NDE1: variants seen among roughly 807,000 people sequenced by gnomAD.
NDE1 encodes the protein nuclear distribution protein nudE homolog 1.
In NDE1, 28 loss-of-function variants were observed where a neutral mutation model predicts 43.4. That is an observed-to-expected ratio of 0.65 (90% confidence interval 0.48 to 0.89). The LOEUF (loss-of-function observed/expected upper bound fraction) is 0.89, where lower values mean the gene tolerates loss of function less well. NDE1 is among the 40% of genes least tolerant of loss of function. NDE1 has a pLI of 0.00. For missense variants in NDE1, 441 were observed against 434.1 expected (o/e 1.02, Z -0.14); for synonymous variants, 184 against 172.0 (o/e 1.07, Z -0.55).
intron 5 of NDE1, 35 bp downstream of exon 5, chr16:15,687,546 C>A (rs745867751): frequency 6.4e-7 from 1 of 1,568,866 alleles, no homozygotes; most frequent in South Asian, 1.1e-5. Flanking sequence ...CAGCATGGTC[C>A]CCTCTCCCTA....
Position 15,708,831 on chromosome 16 carries a change from G to A in NDE1, c.947+11971G>A, listed in dbSNP as rs200884440. ...GTGCATCACTGCGAAGTTTCCTGTG[G>A]GGGGGGCCCTCTGAAACAGAGAGAG... is the stretch of plus-strand genomic sequence containing the variant. On this transcript the variant is annotated intron_variant, in intron 8 of 8. Transcript: ENST00000396354. 20 of 1,610,020 alleles carry A rather than the reference G, an allele frequency of 1.2e-5. No homozygotes were observed. The Admixed American group carries it at 3.2e-4, about 26-fold the overall frequency.
intron 1 of NDE1, among the ~76,000 whole-genome samples, chr16:15,656,793 G>T (rs1012913525): frequency 6.6e-6 from 1 of 152,048 alleles, no homozygotes; most frequent in African/African-American, 2.4e-5. Context: ...TACCCGCTGT[G>T]GCCTCCCAAA....
At chr16:15,693,170 T>G (rs1453465781) in intron 6 of NDE1, among the ~76,000 whole-genome samples, 1 of 152,132 alleles carries the variant, frequency 6.6e-6, no homozygotes, top group African/African-American at 2.4e-5. Flanking sequence ...CATGCCCAGC[T>G]AATTTTGTAT....
chr16:15,720,765 C>T (rs1437862254), intron 8 of NDE1: 57 of 1,488,018 alleles, frequency 3.8e-5, no homozygotes, highest in Non-Finnish European at 5.1e-5. Flanking sequence ...GTTTCCACAC[C>T]AACCATGAGA....
chr16:15,706,331 C>T (rs4781681), intron 8 of NDE1, among the ~76,000 whole-genome samples: 81,735 of 151,946 alleles, frequency 0.54, 22,720 homozygotes, highest in Middle Eastern at 0.66. Flanking sequence ...TCAAATTCAG[C>T]GCAGAGGAGC....
chr16:15,714,674 G>C (rs980715096), intron 8 of NDE1: 2 of 604,268 alleles, frequency 3.3e-6, no homozygotes, highest in South Asian at 3.9e-5. Flanking sequence ...GATGGGAGAC[G>C]GTCGATCGTT....
intron 3 of NDE1, among the ~76,000 whole-genome samples, chr16:15,676,295 C>T (rs1379304400): frequency 9.5e-5 from 14 of 147,432 alleles, no homozygotes; most frequent in African/African-American, 3.0e-4. Flanking sequence ...GTGCAACCTC[C>T]GCCTCCCGTG....
chr16:15,660,984 A>G (rs2037014905), intron 1 of NDE1, among the ~76,000 whole-genome samples: 2 of 152,156 alleles, frequency 1.3e-5, no homozygotes, highest in African/African-American at 4.8e-5. Flanking sequence ...GAAAAGAGAA[A>G]AACCAGCTAT....
rs2040295603 is a variant in NDE1, at chr16:15,718,550, CTG to C, written c.948-5640_948-5639del. On this transcript the variant is annotated intron_variant, in intron 8 of 8. Transcript: ENST00000396354. ...TGCCCTCATCATCTAATGGGTGAAA[CTG>C]AGGCTTGGAGAAGATTAGAAGACTC... 6 of 1,430,832 alleles carry C rather than the reference CTG, an allele frequency of 4.2e-6. No homozygotes were observed. In the Middle Eastern group the frequency reaches 7.5e-4, roughly 179 times the overall value. 88.6% of individuals were successfully genotyped at this position (1,430,832 alleles called of 1,614,324 possible). A position where few individuals can be genotyped will look rare whatever the true frequency, so the allele number is the denominator to read the frequency against.
chr16:15,694,318 G>C, intron 7 of NDE1, 62 bp downstream of exon 7: 3 of 1,590,114 alleles, frequency 1.9e-6, no homozygotes, highest in Non-Finnish European at 1.7e-6. Context: ...TGTGTGAAGG[G>C]GGTTGATCTA....
chr16:15,677,798 C>G lies in NDE1; in HGVS notation c.238-3C>G, dbSNP rs1175088189. The stretch of plus-strand genomic sequence containing the variant: ...TTCACTCAGTGTCTGTGTTGTCCTT[C>G]AGGAGAAGTTTGAAGTGCAGCACTC... On this transcript the variant is annotated splice_polypyrimidine_tract_variant and splice_region_variant and intron_variant, in intron 3 of 8. Coordinates refer to ENST00000396354, the MANE Select transcript of NDE1 (RefSeq NM_017668.3). 1.1e-5 allele frequency: 17 copies of G among 1,614,066 alleles called. No individual in the cohort carries two copies. Among genetic ancestry groups the G allele is most frequent in the Non-Finnish European group, 1.4e-5 (17 of 1,180,014 alleles).
In NDE1 at chr16:15,719,205, C is replaced by T. The variant is rs750694128; in HGVS notation, c.948-4986C>T. ...CCTCTGCTTCAGAGCCCTCTTCCTC[C>T]ATTCAGTTTCCTACCTTCCCGACAG... On this transcript the variant is annotated intron_variant, in intron 8 of 8. Coordinates refer to ENST00000396354, the MANE Select transcript of NDE1 (RefSeq NM_017668.3). 7 of 1,612,140 alleles carry T rather than the reference C, an allele frequency of 4.3e-6. No individual in the cohort carries two copies. In the East Asian group the frequency reaches 8.9e-5, roughly 21 times the overall value.
At chr16:15,654,687 C>G (rs1247898352) in intron 1 of NDE1, among the ~76,000 whole-genome samples, 1 of 146,826 alleles carries the variant, frequency 6.8e-6, no homozygotes, top group Non-Finnish European at 1.5e-5. Flanking sequence ...CAGTTTGCAA[C>G]CCCTGGGAAG....
In NDE1 at chr16:15,725,027, C is replaced by A. The variant is rs754330489; in HGVS notation, c.*776C>A. 1 of 1,583,330 alleles carries A rather than the reference C, an allele frequency of 6.3e-7. No individual in the cohort carries two copies. The highest frequency in any genetic ancestry group is 1.1e-5 in the South Asian group (1 of 89,986). On this transcript the variant is annotated 3_prime_UTR_variant, in exon 9 of 9. Coordinates refer to ENST00000396354, the MANE Select transcript of NDE1 (RefSeq NM_017668.3). Reference sequence around the variant, plus strand: ...CCAAGAGACTGGTTAGTCAAAGCCTCTAGAAGGGGATCCTCGTTGAAAGGA... The same window carrying A: ...CCAAGAGACTGGTTAGTCAAAGCCTATAGAAGGGGATCCTCGTTGAAAGGA...
intron 2 of NDE1, 126 bp from the exon 3 acceptor site, chr16:15,667,160 C>A (rs552625127): frequency 4.7e-6 from 5 of 1,070,844 alleles, no homozygotes; most frequent in Non-Finnish European, 5.8e-6. Context: ...GCAGGAGAAT[C>A]GCTTGAACCT....
intron 8 of NDE1, among the ~76,000 whole-genome samples, chr16:15,712,337 CACCT>C (rs944430826): frequency 8.5e-5 from 13 of 152,084 alleles, no homozygotes; most frequent in Non-Finnish European, 1.5e-4. Context: ...TGAGACCTCT[CACCT>C]AGCGCTGGGG....
At chr16:15,717,270 G>C in intron 8 of NDE1, 1 of 1,613,856 alleles carries the variant, frequency 6.2e-7, no homozygotes, top group African/African-American at 1.3e-5. Context: ...TTGTTCTGCC[G>C]CTCGAGCTGC....
At chr16:15,700,250 C>T (rs2039178965) in intron 8 of NDE1, 1 of 281,174 alleles carries the variant, frequency 3.6e-6, no homozygotes, top group African/African-American at 2.3e-5. Context: ...GCACCCACCA[C>T]CACACCTGGC....
At chr16:15,696,572 C>T in intron 7 of NDE1, 137 bp from the exon 8 acceptor site, 1 of 1,521,350 alleles carries the variant, frequency 6.6e-7, no homozygotes, top group Non-Finnish European at 8.9e-7. Flanking sequence ...TTGGATTCCT[C>T]TTGGGGTCCC....
Sources: gnomAD v4.1 joint callset for allele counts (sites outside exome capture counted in the v4.1 genomes callset) on GRCh38, gnomAD v4.1.1 for gene constraint, MANE v1.5 for transcripts, NCBI Gene and HGNC (gene_info 2026-07-23, HGNC 2026-07-21) for gene names.